The following PRKG1 variants were observed in gnomAD, a reference collection of about 807,000 sequenced individuals.
The protein encoded by PRKG1 is cGMP-dependent protein kinase 1.
Under a neutral mutation model 88.1 loss-of-function variants are expected in PRKG1, and 35 were observed. The ratio of observed to expected loss-of-function variants is 0.40; its 90% CI spans 0.30 to 0.53. The LOEUF (loss-of-function observed/expected upper bound fraction) is 0.53, where lower values mean the gene tolerates loss of function less well. Among genes scored for constraint, PRKG1 ranks in the 20% least tolerant of loss-of-function variants. The pLI is 0.59. For synonymous variants in PRKG1, 303 were observed against 292.5 expected (o/e 1.04, Z -0.37); for missense variants, 540 against 839.8 (o/e 0.64, Z 4.41).
chr10:51,790,101 G>A (rs960940991), intron 3 of PRKG1, among the ~76,000 whole-genome samples: 2 of 152,148 alleles, frequency 1.3e-5, no homozygotes, highest in African/African-American at 4.8e-5. Flanking sequence ...GGGATTACAG[G>A]CGTCAGCCAC....
At chr10:51,523,118 T>TA (rs1008912965) in intron 3 of PRKG1, among the ~76,000 whole-genome samples, 5 of 152,190 alleles carry the variant, frequency 3.3e-5, no homozygotes, top group African/African-American at 9.6e-5. Flanking sequence ...ATTTTTTTTT[T>TA]AACATGGCAG....
chr10:51,118,366 T>G (rs1411230288), intron 1 of PRKG1, among the ~76,000 whole-genome samples: 1 of 152,212 alleles, frequency 6.6e-6, no homozygotes, highest in Non-Finnish European at 1.5e-5. Context: ...GCCATTTTAA[T>G]TATAGAAAGT....
intron 5 of PRKG1, among the ~76,000 whole-genome samples, chr10:51,965,073 A>G (rs1198107257): frequency 6.6e-6 from 1 of 152,190 alleles, no homozygotes; most frequent in Non-Finnish European, 1.5e-5. Context: ...AAAATTTGAA[A>G]GCTCAAAAAT....
At chr10:52,198,450 C>T (rs550345211) in intron 9 of PRKG1, among the ~76,000 whole-genome samples, 1 of 151,758 alleles carries the variant, frequency 6.6e-6, no homozygotes, top group African/African-American at 2.4e-5. Context: ...TTGTAATGGC[C>T]GAGAATGACT....
rs932415788 is a variant in PRKG1 at position 51,531,956 on chromosome 10, A to T, written c.592+64120A>T. Among the ~76,000 whole-genome samples, 13 of 151,960 alleles carry T rather than the reference A, an allele frequency of 8.6e-5. 1 individual carries two copies. The highest frequency in any genetic ancestry group is 3.9e-4 in the Admixed American group (6 of 15,256). ...CCGTGCCCTGCCAAAGAATTTTTTT[A>T]AAAAAATGACAGTCAGGACACTCGA... On this transcript the variant is annotated intron_variant, in intron 3 of 17. Transcript: ENST00000373980.
At chr10:52,215,358 C>T (rs1308971088) in intron 9 of PRKG1, among the ~76,000 whole-genome samples, 3 of 148,834 alleles carry the variant, frequency 2.0e-5, no homozygotes, top group Non-Finnish European at 3.0e-5. Context: ...CAGGCCATTG[C>T]ACTCCAGCCT....
intron 3 of PRKG1, among the ~76,000 whole-genome samples, chr10:51,603,543 G>A (rs1486865383): frequency 6.6e-6 from 1 of 152,146 alleles, no homozygotes; most frequent in African/African-American, 2.4e-5. Flanking sequence ...GATAAAAAGG[G>A]TTTTGTTCAA....
chr10:51,236,932 G>A (rs1839010501), intron 2 of PRKG1, among the ~76,000 whole-genome samples: 1 of 152,178 alleles, frequency 6.6e-6, no homozygotes, highest in Admixed American at 6.5e-5. Context: ...TAGAGTTCTG[G>A]TCACAAGGCT....
intron 5 of PRKG1, among the ~76,000 whole-genome samples, chr10:52,011,983 C>T (rs934714700): frequency 1.3e-5 from 2 of 152,132 alleles, no homozygotes; most frequent in South Asian, 2.1e-4. Context: ...ACCTTCCTCC[C>T]GGCCATGTGG....
At chr10:51,026,617 G>A (rs1429441184) in intron 1 of PRKG1, among the ~76,000 whole-genome samples, 1 of 152,152 alleles carries the variant, frequency 6.6e-6, no homozygotes, top group African/African-American at 2.4e-5. Flanking sequence ...TCTGTGCTGA[G>A]ATGTGGCTTA....
chr10:52,104,030 GAT>G (rs1184114208), intron 7 of PRKG1, among the ~76,000 whole-genome samples: 5 of 146,270 alleles, frequency 3.4e-5, no homozygotes, highest in African/African-American at 1.0e-4. Context: ...TATATAATGA[GAT>G]ATATATATAT....
At chr10:52,013,843 A>T (rs1399179881) in intron 5 of PRKG1, among the ~76,000 whole-genome samples, 1 of 152,118 alleles carries the variant, frequency 6.6e-6, no homozygotes, top group Admixed American at 6.6e-5. Flanking sequence ...GATATCACTC[A>T]CTTTTCTCTT....
chr10:51,355,994 A>G (rs1266077165), intron 2 of PRKG1, among the ~76,000 whole-genome samples: 1 of 152,076 alleles, frequency 6.6e-6, no homozygotes, highest in Non-Finnish European at 1.5e-5. Flanking sequence ...TTCTTTATAT[A>G]GACAGATCCT....
intron 3 of PRKG1, among the ~76,000 whole-genome samples, chr10:51,803,101 T>C (rs1307983439): frequency 6.6e-6 from 1 of 152,116 alleles, no homozygotes; most frequent in Non-Finnish European, 1.5e-5. Context: ...ATTTCCCAAG[T>C]TCTTTGTGGC....
chr10:51,073,020 G>A (rs1023176590), upstream of PRKG1, among the ~76,000 whole-genome samples: 2 of 152,126 alleles, frequency 1.3e-5, no homozygotes, highest in African/African-American at 4.8e-5. Context: ...TTATAATATT[G>A]AGTGCCCAAG....
intron 3 of PRKG1, among the ~76,000 whole-genome samples, chr10:51,677,277 A>G (rs1047254551): frequency 7.9e-5 from 12 of 152,108 alleles, no homozygotes; most frequent in Admixed American, 7.2e-4. Context: ...TCTACTATTG[A>G]TGGACATGTG....
chr10:51,918,219 T>G (rs2132973087), intron 5 of PRKG1, among the ~76,000 whole-genome samples: 1 of 152,352 alleles, frequency 6.6e-6, no homozygotes. Flanking sequence ...CTTTCAGTAC[T>G]ATACTGCATT....
At chr10:51,544,035 A>G (rs1217177271) in intron 3 of PRKG1, among the ~76,000 whole-genome samples, 2 of 152,170 alleles carry the variant, frequency 1.3e-5, no homozygotes, top group East Asian at 3.9e-4. Context: ...TGTAAAATAC[A>G]TGGATAAAAT....
intron 3 of PRKG1, among the ~76,000 whole-genome samples, chr10:51,635,847 T>C (rs1346383833): frequency 2.0e-5 from 3 of 152,098 alleles, no homozygotes; most frequent in Non-Finnish European, 4.4e-5. Flanking sequence ...CAATATTAAA[T>C]AAATAGTCCA....
Sources: allele counts gnomAD v4.1 joint callset (sites outside exome capture counted in the v4.1 genomes callset), GRCh38; gene constraint gnomAD v4.1.1; transcripts MANE v1.5; gene names NCBI Gene and HGNC (gene_info 2026-07-23, HGNC 2026-07-21).